BCO1: variants seen among roughly 807,000 people sequenced by gnomAD.
BCO1 encodes beta,beta-carotene 15,15'-dioxygenase.
A neutral mutation model predicts 56.3 loss-of-function variants in BCO1; 54 were observed. The observed-to-expected ratio is 0.96, with a 90% CI of 0.77 to 1.20. The LOEUF (loss-of-function observed/expected upper bound fraction) is 1.20. Ranked by LOEUF, BCO1 falls within the 50% of genes most tolerant of loss-of-function variation. The probability of loss-of-function intolerance (pLI) is 0.00; values close to 1 mark genes in which losing one functional copy is unlikely to be tolerated. For synonymous variants in BCO1, 318 were observed against 266.1 expected (o/e 1.20, Z -1.90); for missense variants, 801 against 690.9 (o/e 1.16, Z -1.79).
In BCO1 at chr16:81,245,476, C is replaced by G; in HGVS notation, c.66C>G (p.Gly22=). 1 of 1,614,228 alleles carries G rather than the reference C, an allele frequency of 6.2e-7. No individual in the cohort carries two copies. The highest frequency in any genetic ancestry group is 2.2e-5 in the East Asian group (1 of 44,888). Reference sequence around the variant, plus strand: ...ACTAAACATTCTCTCTTTTCTCAGGCAAGATTCCAGCATGGCTGCAGGGAA... The same window carrying G: ...ACTAAACATTCTCTCTTTTCTCAGGGAAGATTCCAGCATGGCTGCAGGGAA... ...QLEPVRAKVT[G]KIPAWLQGTL... The change falls in exon 2 of 11, where the codon GGC becomes GGG. Residue 22 remains glycine (G), a splice_region_variant and synonymous_variant. Transcript: ENST00000258168.
intron 7 of BCO1, among the ~76,000 whole-genome samples, chr16:81,275,152 G>A (rs891223770): frequency 1.1e-4 from 16 of 152,242 alleles, no homozygotes; most frequent in Non-Finnish European, 2.1e-4. Context: ...AGGTTTACTG[G>A]AGAAGCGACT....
rs71146003 is a variant in BCO1 at position 81,269,065 on chromosome 16, CTTTTT to C, written c.843+953_843+957del. On this transcript the variant is annotated intron_variant, in intron 6 of 10. Coordinates refer to ENST00000258168, the MANE Select transcript of BCO1 (RefSeq NM_017429.3). ...ACATGTGTGAGCCATTGCACCTGGTCTTTTTTTTTTTTTTTTTTTTTTTGCGTTGT... is the reference window on the plus strand; with the variant it reads ...ACATGTGTGAGCCATTGCACCTGGTCTTTTTTTTTTTTTTTTTTGCGTTGT... Among the ~76,000 whole-genome samples the C allele has an allele frequency of 2.7e-3, 226 of 83,080 alleles. 1 individual carries two copies. The highest frequency in any genetic ancestry group is 9.6e-3 in the African/African-American group (172 of 17,888). 54.5% of individuals were successfully genotyped at this position (83,080 alleles called of 152,430 possible). A position where few individuals can be genotyped will look rare whatever the true frequency, so the allele number is the denominator to read the frequency against.
chr16:81,257,937 G>C (rs897101497), intron 2 of BCO1, among the ~76,000 whole-genome samples: 13 of 151,924 alleles, frequency 8.6e-5, no homozygotes, highest in African/African-American at 2.9e-4. Context: ...AGGATCTTGA[G>C]ATGGGGGAGG....
chr16:81,259,296 C>G (rs1353540774), intron 2 of BCO1, among the ~76,000 whole-genome samples: 1 of 152,014 alleles, frequency 6.6e-6, no homozygotes, highest in African/African-American at 2.4e-5. Flanking sequence ...GAGTTCAAGA[C>G]TAGCCTGGCC....
intron 3 of BCO1, among the ~76,000 whole-genome samples, chr16:81,261,351 G>C (rs1461163828): frequency 3.9e-5 from 6 of 152,158 alleles, no homozygotes; most frequent in African/African-American, 1.4e-4. Context: ...GATCAAATGA[G>C]CTATGTGTTC....
At chr16:81,264,415 G>A (rs895965314) in intron 4 of BCO1, among the ~76,000 whole-genome samples, 6 of 152,170 alleles carry the variant, frequency 3.9e-5, no homozygotes, top group Non-Finnish European at 7.3e-5. Context: ...AAATCCCCAT[G>A]TGAGGTTGTA....
chr16:81,267,847 TG>T, intron 5 of BCO1, 60 bp from the exon 6 acceptor site: 1 of 1,413,442 alleles, frequency 7.1e-7, no homozygotes, highest in Non-Finnish European at 1.0e-6. Flanking sequence ...GATGGTGGTG[TG>T]GTCTTGGGGG....
At chr16:81,279,970 A>G (rs1414895001) in intron 7 of BCO1, among the ~76,000 whole-genome samples, 1 of 152,144 alleles carries the variant, frequency 6.6e-6, no homozygotes, top group Non-Finnish European at 1.5e-5. Flanking sequence ...TTTAATATTT[A>G]GTATATTTCT....
chr16:81,284,228 A>ATT (rs1277642163), intron 8 of BCO1, among the ~76,000 whole-genome samples: 28 of 131,808 alleles, frequency 2.1e-4, no homozygotes, highest in African/African-American at 7.0e-4. Context: ...ATATATATAT[A>ATT]TTTTTATATA....
intron 1 of BCO1, 84 bp downstream of exon 1, chr16:81,239,056 G>T: frequency 1.0e-5 from 13 of 1,254,278 alleles, no homozygotes; most frequent in Non-Finnish European, 1.3e-5. Context: ...TCGCTCTGTC[G>T]CCCGGGCTGG....
intron 10 of BCO1, among the ~76,000 whole-genome samples, chr16:81,288,516 T>G (rs1908304732): frequency 6.6e-6 from 1 of 152,212 alleles, no homozygotes; most frequent in East Asian, 1.9e-4. Flanking sequence ...CCTCCCATCT[T>G]GGCCTCCCAA....
intron 8 of BCO1, among the ~76,000 whole-genome samples, chr16:81,282,961 G>C (rs1244536098): frequency 6.6e-6 from 1 of 152,170 alleles, no homozygotes; most frequent in Admixed American, 6.5e-5. Context: ...TATAGGGAGA[G>C]TCCAGCCATT....
chr16:81,240,564 G>A lies in BCO1; in HGVS notation c.64+1592G>A, dbSNP rs1205090146. On this transcript the variant is annotated intron_variant, in intron 1 of 10. Transcript: ENST00000258168. Reference sequence around the variant, plus strand: ...TACTAAAAATACACAAATTAGCCAGGGGTGGTGGCATGCACCTGTAGTCCC... The same window carrying A: ...TACTAAAAATACACAAATTAGCCAGAGGTGGTGGCATGCACCTGTAGTCCC... Among the ~76,000 whole-genome samples, 3 of 152,038 alleles carry A rather than the reference G, an allele frequency of 2.0e-5. No homozygotes were observed. In the East Asian group the frequency reaches 5.8e-4, roughly 29 times the overall value.
At chr16:81,280,268 TCAAAAAAAAAAAAAAAA>T (rs1907791948) in intron 7 of BCO1, among the ~76,000 whole-genome samples, 1 of 51,320 alleles carries the variant, frequency 1.9e-5, no homozygotes, top group Admixed American at 4.1e-4. Context: ...AGACTCCATC[TCAAAAAAAAAAAAAAAA>T]AAAAAAAAAA....
intron 3 of BCO1, 171 bp from the exon 4 acceptor site, chr16:81,261,965 A>G: frequency 2.7e-6 from 2 of 730,944 alleles, no homozygotes; most frequent in Non-Finnish European, 2.4e-6. Flanking sequence ...GATGGTCTCA[A>G]TCTCCTGACC....
rs1904973366 is a variant in BCO1, at chr16:81,238,779, G to C, written c.-130G>C. On this transcript the variant is annotated 5_prime_UTR_variant, in exon 1 of 11. Transcript: ENST00000258168. The stretch of plus-strand genomic sequence containing the variant: ...CAAAGGCAGAAACGGCATCAGGAGA[G>C]ACAGAGATGTGAAGGAGGGAAGGAG... 4.8e-6 allele frequency: 4 copies of C among 825,844 alleles called. No homozygotes were observed. The highest frequency in any genetic ancestry group is 8.4e-6 in the Non-Finnish European group (4 of 477,798). The allele number at this position is 825,844 out of a possible 1,614,324, so 51.2% of individuals were successfully genotyped here.
intron 8 of BCO1, among the ~76,000 whole-genome samples, chr16:81,282,561 C>T (rs553710020): frequency 7.2e-5 from 11 of 152,146 alleles, no homozygotes; most frequent in African/African-American, 1.9e-4. Flanking sequence ...ATCCCATAAC[C>T]GGTTCTGTGA....
intron 3 of BCO1, 149 bp downstream of exon 3, chr16:81,259,954 C>A: frequency 1.0e-6 from 1 of 990,408 alleles, no homozygotes; most frequent in Non-Finnish European, 1.6e-6. Flanking sequence ...CTACACAGTT[C>A]TTGATCACTG....
chr16:81,244,788 G>A (rs1165083653), intron 1 of BCO1, among the ~76,000 whole-genome samples: 1 of 146,600 alleles, frequency 6.8e-6, no homozygotes, highest in Non-Finnish European at 1.5e-5. Flanking sequence ...GTGGAGTGGT[G>A]TGATCACTGC....
Sources: gnomAD v4.1 joint callset for allele counts (sites outside exome capture counted in the v4.1 genomes callset) on GRCh38, gnomAD v4.1.1 for gene constraint, MANE v1.5 for transcripts, NCBI Gene and HGNC (gene_info 2026-07-23, HGNC 2026-07-21) for gene names.